The following WWOX variants were observed in gnomAD, a reference collection of about 807,000 sequenced individuals.
The protein encoded by WWOX is WW domain containing oxidoreductase.
Under a neutral mutation model 46.2 loss-of-function variants are expected in WWOX, and 69 were observed. That is an observed-to-expected ratio of 1.49 (90% CI 1.23 to 1.82). The LOEUF (loss-of-function observed/expected upper bound fraction) is 1.82, where lower values mean the gene tolerates loss of function less well. Ranked by LOEUF, WWOX falls within the 40% of genes most tolerant of loss-of-function variation. The pLI is 0.00. For synonymous variants in WWOX, 359 were observed against 202.6 expected (o/e 1.77, Z -6.56); for missense variants, 919 against 542.6 (o/e 1.69, Z -6.89).
At chr16:78,797,849 G>C (rs765103240) in intron 8 of WWOX, among the ~76,000 whole-genome samples, 3 of 152,156 alleles carry the variant, frequency 2.0e-5, no homozygotes, top group Non-Finnish European at 2.9e-5. Flanking sequence ...TTAGCTGCGC[G>C]TGGTGGCGCG....
intron 8 of WWOX, among the ~76,000 whole-genome samples, chr16:78,671,354 G>C (rs2047459130): frequency 6.6e-6 from 1 of 152,238 alleles, no homozygotes; most frequent in Non-Finnish European, 1.5e-5. Context: ...GAGCCTGGGA[G>C]GTGGAGGTTG....
chr16:78,948,740 G>T (rs1015017971), intron 8 of WWOX, among the ~76,000 whole-genome samples: 1 of 152,102 alleles, frequency 6.6e-6, no homozygotes, highest in Non-Finnish European at 1.5e-5. Context: ...TCCTCTGTTG[G>T]CATTACTCCT....
chr16:78,781,726 G>C (rs1189199141), intron 8 of WWOX, among the ~76,000 whole-genome samples: 1 of 152,110 alleles, frequency 6.6e-6, no homozygotes, highest in African/African-American at 2.4e-5. Context: ...AGTGAGCTGA[G>C]ATGGCACCCC....
At chr16:78,681,793 C>T (rs2047736218) in intron 8 of WWOX, among the ~76,000 whole-genome samples, 1 of 152,172 alleles carries the variant, frequency 6.6e-6, no homozygotes, top group Non-Finnish European at 1.5e-5. Flanking sequence ...TCTATTTGGC[C>T]TTGGAAAGTT....
intron 8 of WWOX, among the ~76,000 whole-genome samples, chr16:79,151,142 T>C (rs1054819984): frequency 6.6e-6 from 1 of 152,112 alleles, no homozygotes; most frequent in African/African-American, 2.4e-5. Context: ...CCCCAGAAAA[T>C]TCCCCTCCTG....
intron 8 of WWOX, among the ~76,000 whole-genome samples, chr16:78,782,567 C>T (rs553673688): frequency 1.8e-4 from 27 of 152,246 alleles, no homozygotes; most frequent in Admixed American, 5.9e-4. Flanking sequence ...CATTCCCTTC[C>T]GTCCACCAGC....
chr16:79,003,909 A>T (rs1234817773), intron 8 of WWOX, among the ~76,000 whole-genome samples: 1 of 152,154 alleles, frequency 6.6e-6, no homozygotes, highest in African/African-American at 2.4e-5. Context: ...GGAGAAGCGA[A>T]TTGATGGGCA....
chr16:79,086,985 T>C (rs1276127697), intron 8 of WWOX, among the ~76,000 whole-genome samples: 1 of 152,144 alleles, frequency 6.6e-6, no homozygotes, highest in Non-Finnish European at 1.5e-5. Flanking sequence ...CTGAATGGGA[T>C]ATGGTGAGAG....
At chr16:78,635,213 G>T (rs182349066) in intron 8 of WWOX, among the ~76,000 whole-genome samples, 2 of 152,228 alleles carry the variant, frequency 1.3e-5, no homozygotes, top group African/African-American at 4.8e-5. Flanking sequence ...GTCTGGCTCT[G>T]GGCTATTAGA....
At chr16:79,070,429 C>T (rs1217054362) in intron 8 of WWOX, among the ~76,000 whole-genome samples, 1 of 152,158 alleles carries the variant, frequency 6.6e-6, no homozygotes, top group Non-Finnish European at 1.5e-5. Context: ...CGTATCAGTC[C>T]AGATGCCCTT....
At chr16:78,504,935 C>T (rs1466176436) in intron 8 of WWOX, among the ~76,000 whole-genome samples, 1 of 152,100 alleles carries the variant, frequency 6.6e-6, no homozygotes, top group Non-Finnish European at 1.5e-5. Flanking sequence ...GGAAACGTTG[C>T]AGGACTCCCC....
At chr16:79,080,893 G>A (rs1389401564) in intron 8 of WWOX, among the ~76,000 whole-genome samples, 1 of 152,158 alleles carries the variant, frequency 6.6e-6, no homozygotes, top group Non-Finnish European at 1.5e-5. Flanking sequence ...CCCAACAGAT[G>A]CATCACCCAG....
intron 5 of WWOX, among the ~76,000 whole-genome samples, chr16:78,257,408 C>T (rs1437373239): frequency 2.0e-5 from 3 of 152,174 alleles, no homozygotes; most frequent in Non-Finnish European, 2.9e-5. Context: ...TGCCATTTGA[C>T]AGTTACAGGC....
At chr16:79,179,277 AT>A (rs1213259258) in intron 8 of WWOX, among the ~76,000 whole-genome samples, 1 of 152,258 alleles carries the variant, frequency 6.6e-6, no homozygotes, top group Non-Finnish European at 1.5e-5. Context: ...GTGAATGAAC[AT>A]AAAAACCGAT....
In WWOX at chr16:78,122,541, T is replaced by G. The variant is rs555852227; in HGVS notation, c.409+7387T>G. On this transcript the variant is annotated intron_variant, in intron 4 of 8. Coordinates refer to ENST00000566780, the MANE Select transcript of WWOX (RefSeq NM_016373.4). The stretch of plus-strand genomic sequence containing the variant: ...AAAACCCAATTAAAATAATTTGATC[T>G]TTTGCTTTTACATCATAGAGTGGCA... Among the ~76,000 whole-genome samples the G allele has an allele frequency of 1.5e-3, 228 of 152,288 alleles. 2 individuals carry two copies. The highest frequency in any genetic ancestry group is 5.4e-3 in the African/African-American group (223 of 41,544).
At chr16:78,878,677 C>G (rs148966425) in intron 8 of WWOX, among the ~76,000 whole-genome samples, 1 of 152,108 alleles carries the variant, frequency 6.6e-6, no homozygotes, top group East Asian at 1.9e-4. Context: ...CCATTTTATT[C>G]CTTAATTTCC....
At chr16:79,085,288 A>G (rs534168950) in intron 8 of WWOX, among the ~76,000 whole-genome samples, 5 of 152,270 alleles carry the variant, frequency 3.3e-5, no homozygotes, top group East Asian at 1.9e-4. Context: ...GATTTTCCCA[A>G]TGATGAAGGA....
chr16:78,126,597 ATTTATAAAGTGTCTATTAC>A lies in WWOX; in HGVS notation c.409+11448_409+11466del, dbSNP rs1402462298. On this transcript the variant is annotated intron_variant, in intron 4 of 8. Transcript: ENST00000566780. ...TTTTCAAAATGTCCCTTAGAAGTTAATTTATAAAGTGTCTATTACTTTAAGTACCTGTTCAATCCTGTGA... is the reference window on the plus strand; with the variant it reads ...TTTTCAAAATGTCCCTTAGAAGTTAATTTAAGTACCTGTTCAATCCTGTGA... Among the ~76,000 whole-genome samples the A allele has an allele frequency of 8.5e-5, 13 of 152,180 alleles. 1 individual carries two copies. The highest frequency in any genetic ancestry group is 3.1e-4 in the African/African-American group (13 of 41,424).
At chr16:78,308,524 C>T (rs2080176407) in intron 5 of WWOX, among the ~76,000 whole-genome samples, 2 of 152,086 alleles carry the variant, frequency 1.3e-5, no homozygotes, top group African/African-American at 4.8e-5. Context: ...TTGCAGATAG[C>T]AGGCATGGAA....
Sources: allele counts gnomAD v4.1 joint callset (sites outside exome capture counted in the v4.1 genomes callset), GRCh38; gene constraint gnomAD v4.1.1; transcripts MANE v1.5; gene names NCBI Gene and HGNC (gene_info 2026-07-23, HGNC 2026-07-21).